FAM91A1: variants seen among roughly 807,000 people sequenced by gnomAD.
FAM91A1 encodes family with sequence similarity 91 member A1.
FAM91A1 carries 41 observed loss-of-function variants against 113.5 expected under a neutral mutation model. That is an observed-to-expected ratio of 0.36 (90% CI 0.28 to 0.47). FAM91A1 has a LOEUF of 0.47. Among genes scored for constraint, FAM91A1 ranks in the 20% least tolerant of loss-of-function variants. The probability of loss-of-function intolerance (pLI) is 1.00; values close to 1 mark genes in which losing one functional copy is unlikely to be tolerated. For missense variants in FAM91A1, 696 were observed against 1,001.2 expected (o/e 0.70, Z 4.11); for synonymous variants, 307 against 347.9 (o/e 0.88, Z 1.31).
chr8:123,791,312 C>T (rs1400325230), intron 15 of FAM91A1, among the ~76,000 whole-genome samples: 1 of 151,662 alleles, frequency 6.6e-6, no homozygotes, highest in Non-Finnish European at 1.5e-5. Context: ...TTTCCATTGC[C>T]CTGTCCCTAT....
intron 12 of FAM91A1, 32 bp from the exon 13 acceptor site, chr8:123,787,229 T>G: frequency 1.4e-6 from 2 of 1,459,564 alleles, no homozygotes; most frequent in Non-Finnish European, 1.9e-6. Flanking sequence ...ATAATTTCCA[T>G]TTACTTGATT....
chr8:123,782,200 A>G (rs538486763), intron 8 of FAM91A1, among the ~76,000 whole-genome samples: 114 of 152,314 alleles, frequency 7.5e-4, no homozygotes, highest in African/African-American at 2.5e-3. Context: ...GATGTGTTCT[A>G]CCATACTTCA....
At chr8:123,784,289 G>A (rs901226053) in intron 8 of FAM91A1, among the ~76,000 whole-genome samples, 181 bp from the exon 9 acceptor site, 1 of 152,166 alleles carries the variant, frequency 6.6e-6, no homozygotes, top group African/African-American at 2.4e-5. Context: ...TCTACCTTCA[G>A]AGTCTTCTCT....
intron 5 of FAM91A1, 39 bp from the exon 6 acceptor site, chr8:123,778,620 T>C: frequency 6.9e-7 from 1 of 1,453,370 alleles, no homozygotes; most frequent in Non-Finnish European, 9.6e-7. Context: ...AAAGTGGTAG[T>C]TTTAGATTGC....
chr8:123,796,052 G>T (rs977968211), intron 15 of FAM91A1, among the ~76,000 whole-genome samples: 2 of 152,086 alleles, frequency 1.3e-5, no homozygotes, highest in Non-Finnish European at 2.9e-5. Flanking sequence ...AGTTCTTTTC[G>T]TACTGGACAG....
At chr8:123,793,019 C>G (rs1373418613) in intron 15 of FAM91A1, among the ~76,000 whole-genome samples, 1 of 152,174 alleles carries the variant, frequency 6.6e-6, no homozygotes, top group Non-Finnish European at 1.5e-5. Context: ...TTGACTCACC[C>G]TCAACCTAAG....
intron 15 of FAM91A1, among the ~76,000 whole-genome samples, chr8:123,796,928 G>T (rs1410179217): frequency 1.3e-5 from 2 of 151,710 alleles, no homozygotes; most frequent in Non-Finnish European, 2.9e-5. Context: ...GGGTGTGGTG[G>T]CGCGCACCTG....
chr8:123,813,532 C>T lies in FAM91A1; in HGVS notation c.*828C>T, dbSNP rs962535615. ...TTTTGTTTCTTAGCTTTGATGTTTT[C>T]AAACCAAGGATTGTGATTTTAGGTT... On this transcript the variant is annotated 3_prime_UTR_variant, in exon 24 of 24. Coordinates refer to ENST00000334705, the MANE Select transcript of FAM91A1 (RefSeq NM_144963.4). The T allele has an allele frequency of 3.3e-5, 5 of 152,542 alleles. No homozygotes were observed. Among genetic ancestry groups the T allele is most frequent in the Non-Finnish European group, 7.4e-5 (5 of 67,974 alleles). 9.4% of individuals were successfully genotyped at this position (152,542 alleles called of 1,614,324 possible).
At chr8:123,808,659 G>A in intron 21 of FAM91A1, 1 of 502,414 alleles carries the variant, frequency 2.0e-6, no homozygotes, top group Non-Finnish European at 3.5e-6. Context: ...TTGAACATTG[G>A]ATGAAAGCTA....
chr8:123,769,784 A>G (rs1285948591), intron 1 of FAM91A1, among the ~76,000 whole-genome samples: 1 of 152,184 alleles, frequency 6.6e-6, no homozygotes, highest in African/African-American at 2.4e-5. Context: ...AAGTAGTGAT[A>G]TGGGCTACAG....
chr8:123,774,219 C>A (rs377338927), intron 2 of FAM91A1, 55 bp downstream of exon 2: 8 of 1,348,376 alleles, frequency 5.9e-6, no homozygotes, highest in Non-Finnish European at 8.2e-6. Flanking sequence ...CTTTCACATT[C>A]GTAAATCTTT....
intron 6 of FAM91A1, among the ~76,000 whole-genome samples, chr8:123,779,112 A>G (rs898451203): frequency 4.6e-5 from 7 of 152,218 alleles, no homozygotes; most frequent in Non-Finnish European, 8.8e-5. Flanking sequence ...GCCAAGCTCT[A>G]TTACAAGTGC....
At chr8:123,787,551 A>AC (rs1374707272) in intron 13 of FAM91A1, 113 bp from the exon 14 acceptor site, 3 of 1,038,768 alleles carry the variant, frequency 2.9e-6, no homozygotes, top group South Asian at 3.5e-5. Flanking sequence ...TTAGCCCCTC[A>AC]CCCCCCAATC....
rs1399785227 is a variant in FAM91A1, at chr8:123,814,407, T to C, written c.*1703T>C. ...ATTTCCTTTGTTTGAACTGTAGTTATTTTATTTATTCCTATATTAACCATC... is the reference window on the plus strand; with the variant it reads ...ATTTCCTTTGTTTGAACTGTAGTTACTTTATTTATTCCTATATTAACCATC... On this transcript the variant is annotated 3_prime_UTR_variant, in exon 24 of 24. Transcript: ENST00000334705. 1.0e-5 allele frequency: 2 copies of C among 199,100 alleles called. No homozygotes were observed. The highest frequency in any genetic ancestry group is 2.6e-5 in the African/African-American group (1 of 39,166). The allele number at this position is 199,100 out of a possible 1,614,324, so 12.3% of individuals were successfully genotyped here.
At chr8:123,782,759 C>A (rs1252596320) in intron 8 of FAM91A1, among the ~76,000 whole-genome samples, 1 of 152,174 alleles carries the variant, frequency 6.6e-6, no homozygotes, top group Admixed American at 6.5e-5. Flanking sequence ...TGGACAAATG[C>A]TAGCACTGTT....
Position 123,812,640 on chromosome 8 carries a change from T to C in FAM91A1, c.2453T>C (p.Val818Ala). The change falls in exon 24 of 24, where the codon GTC (valine) becomes GCC (alanine). Residue 818 changes from valine to alanine, a missense_variant. Transcript: ENST00000334705. ...AAAAACTTAATATTTAAAGATGGTG[T>C]CTTATCAGAATGGAGTGGACGGTCA... ...PAKNLIFKDG[V>A]LSEWSGRSPS... 6.2e-7 allele frequency: 1 copy of C among 1,611,970 alleles called. No individual in the cohort carries two copies. Among genetic ancestry groups the C allele is most frequent in the Non-Finnish European group, 8.5e-7 (1 of 1,179,096 alleles).
intron 12 of FAM91A1, 108 bp downstream of exon 12, chr8:123,786,718 C>T (rs72715037): frequency 0.02 from 17,416 of 862,768 alleles, 262 homozygotes; most frequent in East Asian, 0.034. Flanking sequence ...TTATTCAATA[C>T]GCAGTCTTTG....
intron 15 of FAM91A1, among the ~76,000 whole-genome samples, chr8:123,796,847 A>C (rs1444440748): frequency 1.3e-5 from 2 of 150,374 alleles, no homozygotes; most frequent in Non-Finnish European, 3.0e-5. Context: ...GCAGATAACG[A>C]GGTCAGGAGA....
chr8:123,775,364 G>C, intron 3 of FAM91A1, 66 bp downstream of exon 3: 2 of 1,554,712 alleles, frequency 1.3e-6, no homozygotes, highest in Non-Finnish European at 1.8e-6. Flanking sequence ...ACTTTTTGCA[G>C]ATGTTCACCA....
Sources: allele counts gnomAD v4.1 joint callset (sites outside exome capture counted in the v4.1 genomes callset), GRCh38; gene constraint gnomAD v4.1.1; transcripts MANE v1.5; gene names NCBI Gene and HGNC (gene_info 2026-07-23, HGNC 2026-07-21).